The following FAM47A variants were observed in gnomAD, a reference collection of about 807,000 sequenced individuals.
FAM47A encodes protein FAM47A.
FAM47A carries 1 observed loss-of-function variant against 2.6 expected under a neutral mutation model. The ratio of observed to expected loss-of-function variants is 0.39; its 90% CI spans 0.14 to 1.83. The LOEUF (loss-of-function observed/expected upper bound fraction) is 1.83, where lower values mean the gene tolerates loss of function less well. Among genes scored for constraint, FAM47A ranks in the 40% most tolerant of loss-of-function variants. The pLI is 0.32. For synonymous variants in FAM47A, 278 were observed against 270.1 expected (o/e 1.03, Z -0.29); for missense variants, 657 against 673.1 (o/e 0.98, Z 0.26).
rs765438099 is a variant in FAM47A at position 34,131,622 on chromosome X, C to T, written c.657G>A (p.Pro219=). 3.3e-6 allele frequency: 4 copies of T among 1,203,161 alleles called. No homozygotes were observed. Among genetic ancestry groups the T allele is most frequent in the East Asian group, 6.0e-5 (2 of 33,429 alleles). The change falls in exon 1 of 1, where the codon CCG becomes CCA. Residue 219 remains proline (P), a synonymous_variant. Coordinates refer to ENST00000346193, the MANE Select transcript of FAM47A (RefSeq NM_203408.4). ...GAGGCTCCGGGCGGAGACTGGACAC[C>T]GGAGTCTTGGGAGGCTCCGGGCTTA... ...SHLSPEPPKT[P]VSSLRPEPPE...
rs974034413 is a variant in FAM47A, at chrX:34,131,990, G to A, written c.289C>T (p.Leu97=). 2.9e-5 allele frequency: 35 copies of A among 1,211,833 alleles called. No individual in the cohort carries two copies. Among genetic ancestry groups the A allele is most frequent in the Non-Finnish European group, 3.7e-5 (33 of 895,557 alleles). Residue 97 remains leucine, a synonymous_variant, in exon 1 of 1, where the codon CTG becomes TTG. Transcript: ENST00000346193. ...GAAAATAGGGCCGCTTTCTTGAGCA[G>A]CTTTTTCTGCCCGCTTTTGGGGTCA... ...QADPKSGQKK[L]LKKAALFSKL...
Position 34,132,036 on chromosome X carries a change from T to C in FAM47A, c.243A>G (p.Ile81Met). Residue 81 changes from isoleucine (I) to methionine (M), a missense_variant, in exon 1 of 1, where the codon ATA becomes ATG. Ile to Met is a conservative substitution (Grantham distance 10, BLOSUM62 1). This residue lies in a region of FAM47A where 436 missense variants were observed against 414.1 expected (regional missense o/e 1.05). Coordinates refer to ENST00000346193, the MANE Select transcript of FAM47A (RefSeq NM_203408.4). ...CRRDEFLLPKISLRGPQADPK... is the reference protein window; with the variant it reads ...CRRDEFLLPKMSLRGPQADPK... ...GGTCAGCTTGGGGACCTCTGAGAGA[T>C]ATTTTGGGGAGTAAAAACTCGTCAC... The C allele has an allele frequency of 8.3e-7, 1 of 1,210,569 alleles. No homozygotes were observed. The highest frequency in any genetic ancestry group is 1.1e-6 in the Non-Finnish European group (1 of 895,129).
rs5973090 is a variant in FAM47A, at chrX:34,130,777, G to A, written c.1502C>T (p.Thr501Met). Residue 501 changes from threonine to methionine, a missense_variant, in exon 1 of 1, where the codon ACG becomes ATG. Around this residue, in one of 3 missense-constraint regions of FAM47A, gnomAD observed 23 missense variants for 55.6 expected, o/e 0.41. Transcript: ENST00000346193. ...GGGAGGCTCCGAGCGGAGACTGGACGTCCGACGAGTCTTGGGAGGCTGCGA... is the reference window on the plus strand; with the variant it reads ...GGGAGGCTCCGAGCGGAGACTGGACATCCGACGAGTCTTGGGAGGCTGCGA... ...LHSQPPKTRR[T>M]SSLRSEPPKT... 5.0e-6 allele frequency: 5 copies of A among 998,217 alleles called. No individual in the cohort carries two copies. In the South Asian group the frequency reaches 1.1e-4, roughly 22 times the overall value. 82.3% of individuals were successfully genotyped at this position (998,217 alleles called of 1,213,427 possible). A position where few individuals can be genotyped will look rare whatever the true frequency, so the allele number is the denominator to read the frequency against.
Position 34,131,900 on chromosome X carries a change from C to T in FAM47A, c.379G>A (p.Ala127Thr). 3 of 1,209,468 alleles carry T rather than the reference C, an allele frequency of 2.5e-6. No homozygotes were observed. The highest frequency in any genetic ancestry group is 3.4e-6 in the Non-Finnish European group (3 of 894,546). Residue 127 changes from alanine to threonine, a missense_variant, in exon 1 of 1, where the codon GCC becomes ACC. Physicochemically the swap from Ala to Thr is moderately conservative, Grantham distance 58 (BLOSUM62 0). Coordinates refer to ENST00000346193, the MANE Select transcript of FAM47A (RefSeq NM_203408.4). ...GGGTACATGGCCAAGGGATGCTTGG[C>T]CATTAGCTGGGCTTCCACTTGCTCT... ...FVEQVEAQLM[A>T]KHPLAMYPNL...
At position 34,131,192 on chromosome X, in the gene FAM47A, G is replaced by A. The variant is rs1321209077; in HGVS notation, c.1087C>T (p.Arg363Cys). The A allele has an allele frequency of 4.1e-6, 5 of 1,207,185 alleles. No individual in the cohort carries two copies. The highest frequency in any genetic ancestry group is 3.0e-5 in the East Asian group (1 of 33,591). Residue 363 changes from arginine to cysteine, a missense_variant, in exon 1 of 1, where the codon CGC becomes TGC. By Grantham distance (180) the Arg-to-Cys change is radical (BLOSUM62 -3). Around this residue, in one of 3 missense-constraint regions of FAM47A, gnomAD observed 436 missense variants for 414.1 expected, o/e 1.05. Transcript: ENST00000346193. ...CGACGAGTCTTGGGAGGCGCTAGGCGGAGACGGGACACTCCAGTCTCGGAA... is the reference window on the plus strand; with the variant it reads ...CGACGAGTCTTGGGAGGCGCTAGGCAGAGACGGGACACTCCAGTCTCGGAA... ...EPSETGVSRL[R>C]LAPPKTRRGS...
In FAM47A at chrX:34,131,699, T is replaced by G. The variant is rs775173336; in HGVS notation, c.580A>C (p.Thr194Pro). Residue 194 changes from threonine to proline, a missense_variant, in exon 1 of 1, where the codon ACT (threonine) becomes CCT (proline). Around this residue, in one of 3 missense-constraint regions of FAM47A, gnomAD observed 436 missense variants for 414.1 expected, o/e 1.05. Coordinates refer to ENST00000346193, the MANE Select transcript of FAM47A (RefSeq NM_203408.4). ...CGEFCLKPPE[T>P]PVSHLLPEPP... ...TCTGGGAGGAGATGGGACACCGGAG[T>G]CTCGGGAGGCTTCAGGCAGAATTCC... 8.3e-7 allele frequency: 1 copy of G among 1,205,393 alleles called. No homozygotes were observed. The highest frequency in any genetic ancestry group is 3.0e-5 in the East Asian group (1 of 33,589).
In FAM47A at chrX:34,131,926, A is replaced by T; in HGVS notation, c.353T>A (p.Val118Glu). The T allele has an allele frequency of 1.7e-6, 2 of 1,210,417 alleles. No individual in the cohort carries two copies. The highest frequency in any genetic ancestry group is 3.5e-5 in the South Asian group (2 of 56,849). Residue 118 changes from valine to glutamate, a missense_variant, in exon 1 of 1, where the codon GTA becomes GAA. Around this residue, in one of 3 missense-constraint regions of FAM47A, gnomAD observed 436 missense variants for 414.1 expected, o/e 1.05. Transcript: ENST00000346193. ...CATTAGCTGGGCTTCCACTTGCTCT[A>T]CGAACGCCTTCCGTGCTAGCTGGGC... ...SPAQLARKAF[V>E]EQVEAQLMAK...
In FAM47A at chrX:34,132,152, T is replaced by C. The variant is rs776397953; in HGVS notation, c.127A>G (p.Met43Val). The part of the protein sequence containing the change: ...CKHRRLRFPP[M>V]DTQNWVFVKE... ...ACAAATACCCAGTTCTGGGTGTCCA[T>C]GGGTGGGAACCTCAGGCGCCTGTGC... Residue 43 changes from methionine to valine, a missense_variant, in exon 1 of 1, where the codon ATG becomes GTG. Around this residue, in one of 3 missense-constraint regions of FAM47A, gnomAD observed 436 missense variants for 414.1 expected, o/e 1.05. Transcript: ENST00000346193. The C allele has an allele frequency of 9.1e-6, 11 of 1,209,382 alleles. No individual in the cohort carries two copies. Among genetic ancestry groups the C allele is most frequent in the South Asian group, 8.8e-5 (5 of 56,744 alleles).
chrX:34,130,649 G>A lies in FAM47A; in HGVS notation c.1630C>T (p.Arg544Cys), dbSNP rs1555968153. The stretch of plus-strand genomic sequence containing the variant: ...CGACGACTCTTGGGAAGCTCCGGGC[G>A]GAGACTGGACACTCGACGAGTCTTG... ...PPKTRRVSSL[R>C]PELPKSRRVS... The change falls in exon 1 of 1, where the codon CGC becomes TGC. Residue 544 changes from arginine (R) to cysteine (C), a missense_variant. Coordinates refer to ENST00000346193, the MANE Select transcript of FAM47A (RefSeq NM_203408.4). 18 of 1,209,436 alleles carry A rather than the reference G, an allele frequency of 1.5e-5. No individual in the cohort carries two copies. The highest frequency in any genetic ancestry group is 3.5e-5 in the South Asian group (2 of 56,617).
At position 34,131,115 on chromosome X, in the gene FAM47A, G is replaced by T. The variant is rs1922452202; in HGVS notation, c.1164C>A (p.Ser388Arg). 8.3e-7 allele frequency: 1 copy of T among 1,199,488 alleles called. No homozygotes were observed. The change falls in exon 1 of 1, where the codon AGC (serine) becomes AGA (arginine). Residue 388 changes from serine (S) to arginine (R), a missense_variant. Ser to Arg is a moderately radical substitution (Grantham distance 110). Transcript: ENST00000346193. Reference protein sequence around the residue: ...EPSKTGVSHLSPEPPKTEVSH... With the variant: ...EPSKTGVSHLRPEPPKTEVSH... ...ACACTTCAGTCTTGGGAGGCTCCGG[G>T]CTGAGATGGGACACTCCAGTCTTGG...
Position 34,129,880 on chromosome X carries a change from T to C in FAM47A, c.*23A>G, listed in dbSNP as rs1224282947. On this transcript the variant is annotated 3_prime_UTR_variant, in exon 1 of 1. Transcript: ENST00000346193. The stretch of plus-strand genomic sequence containing the variant: ...TAAAATGAGAGCAAGAAATACCCAA[T>C]TGAGTAGTAAATTGAAAACTGCCTA... 4.4e-6 allele frequency: 5 copies of C among 1,136,014 alleles called. No individual in the cohort carries two copies. Among genetic ancestry groups the C allele is most frequent in the South Asian group, 4.3e-5 (2 of 46,417 alleles). The allele number at this position is 1,136,014 out of a possible 1,213,427, so 93.6% of individuals were successfully genotyped here. A position where few individuals can be genotyped will look rare whatever the true frequency, so the allele number is the denominator to read the frequency against.
rs1922415356 is a variant in FAM47A at position 34,130,426 on chromosome X, A to T, written c.1853T>A (p.Leu618Gln). 5.0e-6 allele frequency: 6 copies of T among 1,211,748 alleles called. No individual in the cohort carries two copies. Among genetic ancestry groups the T allele is most frequent in the African/African-American group, 1.7e-5 (1 of 57,822 alleles). ...LREFFKWAGD[L>Q]GADEESIRNL... The stretch of plus-strand genomic sequence containing the variant: ...CCTGATGGATTCTTCATCAGCTCCC[A>T]GGTCTCCAGCCCACTTGAAGAATTC... The change falls in exon 1 of 1, where the codon CTG becomes CAG. Residue 618 changes from leucine (L) to glutamine (Q), a missense_variant. Transcript: ENST00000346193.
At position 34,131,432 on chromosome X, in the gene FAM47A, G is replaced by A. The variant is rs772009197; in HGVS notation, c.847C>T (p.Arg283Trp). The A allele has an allele frequency of 5.0e-6, 6 of 1,210,091 alleles. No homozygotes were observed. Among genetic ancestry groups the A allele is most frequent in the South Asian group, 1.8e-5 (1 of 56,860 alleles). ...GTGGGTTCGTCAGTTGTCTTCTCCC[G>A]GCCCTCACAAGGAGCCCGTGCGTCT... Reference protein sequence around the residue: ...LEDARAPCEGREKTTDEPTEP... With the variant: ...LEDARAPCEGWEKTTDEPTEP... Residue 283 changes from arginine to tryptophan, a missense_variant, in exon 1 of 1, where the codon CGG becomes TGG. Arg to Trp is a moderately radical substitution (Grantham distance 101). Coordinates refer to ENST00000346193, the MANE Select transcript of FAM47A (RefSeq NM_203408.4).
Position 34,130,498 on chromosome X carries a change from C to T in FAM47A, c.1781G>A (p.Cys594Tyr), listed in dbSNP as rs371285411. The T allele has an allele frequency of 2.1e-5, 25 of 1,209,710 alleles. No individual in the cohort carries two copies. Among genetic ancestry groups the T allele is most frequent in the Non-Finnish European group, 2.7e-5 (24 of 895,245 alleles). Residue 594 changes from cysteine (C) to tyrosine (Y), a missense_variant, in exon 1 of 1, where the codon TGC becomes TAC. By Grantham distance (194) the Cys-to-Tyr change is radical. This residue lies in a region of FAM47A where 198 missense variants were observed against 203.4 expected (regional missense o/e 0.97). Coordinates refer to ENST00000346193, the MANE Select transcript of FAM47A (RefSeq NM_203408.4). ...TCTATATTGAAGAGAGTCAGAAACG[C>T]ACTCTTTTGTGCTTGGTGTATCTTC... ...LQEDTPSTKE[C>Y]VSDSLQYRYT... is the part of the protein sequence containing the mutation.
In FAM47A at chrX:34,131,647, A is replaced by G. The variant is rs186776394; in HGVS notation, c.632T>C (p.Leu211Pro). 1.3e-3 allele frequency: 1,515 copies of G among 1,208,021 alleles called. 4 individuals carry two copies. The highest frequency in any genetic ancestry group is 0.011 in the African/African-American group (643 of 56,589). ...CGGAGTCTTGGGAGGCTCCGGGCTT[A>G]GATGGGACACTCCAGTCTCGGGAGG... ...PEPPETGVSH[L>P]SPEPPKTPVS... The change falls in exon 1 of 1, where the codon CTA (leucine) becomes CCA (proline). Residue 211 changes from leucine to proline, a missense_variant. Leu to Pro is a moderately conservative substitution (Grantham distance 98, BLOSUM62 -3). Around this residue, in one of 3 missense-constraint regions of FAM47A, gnomAD observed 436 missense variants for 414.1 expected, o/e 1.05. Coordinates refer to ENST00000346193, the MANE Select transcript of FAM47A (RefSeq NM_203408.4).
rs1922477459 is a variant in FAM47A at position 34,131,532 on chromosome X, C to T, written c.747G>A (p.Pro249=). 1 of 1,194,729 alleles carries T rather than the reference C, an allele frequency of 8.4e-7. No individual in the cohort carries two copies. The highest frequency in any genetic ancestry group is 1.1e-6 in the Non-Finnish European group (1 of 889,571). ...ATCTCCGACGAGTGATGGGAGGCCCCGGGCGGATATGGGACACTCCAGTCT... is the reference window on the plus strand; with the variant it reads ...ATCTCCGACGAGTGATGGGAGGCCCTGGGCGGATATGGGACACTCCAGTCT... ...PPETGVSHIR[P]GPPITRRRSS... The change falls in exon 1 of 1, where the codon CCG becomes CCA. Residue 249 remains proline, a synonymous_variant. Transcript: ENST00000346193.
chrX:34,131,349 C>T lies in FAM47A; in HGVS notation c.930G>A (p.Leu310=), dbSNP rs775001129. 8.3e-7 allele frequency: 1 copy of T among 1,207,407 alleles called. No individual in the cohort carries two copies. The highest frequency in any genetic ancestry group is 3.0e-5 in the East Asian group (1 of 33,630). The stretch of plus-strand genomic sequence containing the variant: ...TGGGAGGCTCCTGGCGGAGATGGGA[C>T]AGTGGAGTCTCGAAAGGCCGAGGAC... ...KFCPRPFETP[L]SHLRQEPPKT... Residue 310 remains leucine (L), a synonymous_variant, in exon 1 of 1, where the codon CTG becomes CTA. Coordinates refer to ENST00000346193, the MANE Select transcript of FAM47A (RefSeq NM_203408.4).
In FAM47A at chrX:34,130,359, C is replaced by T. The variant is rs1922413193; in HGVS notation, c.1920G>A (p.Glu640=). ...CCTTTACTTTCTTAAACTTTTGGTC[C>T]TCATGGGTTGCTCTGTACTTGGGGG... ...DFTPKYRATH[E]DQKFKKVKEC... The change falls in exon 1 of 1, where the codon GAG becomes GAA. Residue 640 remains glutamate (E), a synonymous_variant. Coordinates refer to ENST00000346193, the MANE Select transcript of FAM47A (RefSeq NM_203408.4). 1 of 1,211,684 alleles carries T rather than the reference C, an allele frequency of 8.3e-7. No individual in the cohort carries two copies. The highest frequency in any genetic ancestry group is 1.1e-6 in the Non-Finnish European group (1 of 895,554).
Position 34,131,476 on chromosome X carries a change from T to C in FAM47A, c.803A>G (p.Asp268Gly). Residue 268 changes from aspartate (D) to glycine (G), a missense_variant, in exon 1 of 1, where the codon GAT becomes GGT. Physicochemically the swap from Asp to Gly is moderately conservative, Grantham distance 94. Transcript: ENST00000346193. ...SSLLRQLLKL[D>G]SERKLEDARA... ...TGCGTCTTCCAGCTTCCTCTCAGAA[T>C]CCAGTTTCAGCAGCTGTCGTAGGAG... 8.3e-7 allele frequency: 1 copy of C among 1,206,033 alleles called. No homozygotes were observed. The highest frequency in any genetic ancestry group is 1.1e-6 in the Non-Finnish European group (1 of 894,144).
Sources: gnomAD v4.1 joint callset for allele counts on GRCh38, gnomAD v4.1.1 for gene constraint, gnomAD v4.1.1 regional missense constraint, MANE v1.5 for transcripts, NCBI Gene and HGNC (gene_info 2026-07-23, HGNC 2026-07-21) for gene names.